The following ALDH1L2 variants were observed in gnomAD, a reference collection of about 807,000 sequenced individuals.
The protein encoded by ALDH1L2 is aldehyde dehydrogenase 1 family member L2.
In ALDH1L2, 91 loss-of-function variants were observed where a neutral mutation model predicts 111.0. That is an observed-to-expected ratio of 0.82 (90% CI 0.69 to 0.98). ALDH1L2 has a LOEUF of 0.98. ALDH1L2 is among the 50% of genes least tolerant of loss of function. The pLI is 0.00. For missense variants in ALDH1L2, 995 were observed against 1,126.8 expected, an observed-to-expected ratio of 0.88 and a Z score of 1.67; for synonymous variants, 374 against 392.6, an observed-to-expected ratio of 0.95 and a Z score of 0.56.
chr12:105,055,010 A>G (rs1876526074), intron 10 of ALDH1L2, among the ~76,000 whole-genome samples: 1 of 152,218 alleles, frequency 6.6e-6, no homozygotes, highest in African/African-American at 2.4e-5. Context: ...ATAACTGGGA[A>G]TGAGATATCC....
At chr12:105,063,244 A>G (rs1049782737) in intron 6 of ALDH1L2, among the ~76,000 whole-genome samples, 1 of 152,230 alleles carries the variant, frequency 6.6e-6, no homozygotes, top group African/African-American at 2.4e-5. Context: ...TGGGAGGCAG[A>G]GGCAGGCAGA....
chr12:105,053,481 G>A (rs1005665266), intron 10 of ALDH1L2, among the ~76,000 whole-genome samples: 1 of 152,194 alleles, frequency 6.6e-6, no homozygotes, highest in Non-Finnish European at 1.5e-5. Context: ...ACAATGCAAT[G>A]GGGATAATGA....
At chr12:105,040,125 CAAA>C (rs11284250) in intron 16 of ALDH1L2, among the ~76,000 whole-genome samples, 2,680 of 59,004 alleles carry the variant, frequency 0.045, 50 homozygotes, top group Non-Finnish European at 0.061. Flanking sequence ...GACTCCGTCT[CAAA>C]AAAAAAAAAA....
rs772748854 is a variant in ALDH1L2, at chr12:105,046,834, G to A, written c.1758-19C>T. ...ACAGACACTGCAGGGGAAGAAATTC[G>A]ACATGCTTAGTTGTTTCAAATAACA... On this transcript the variant is annotated intron_variant, in intron 14 of 22. Coordinates refer to ENST00000258494, the MANE Select transcript of ALDH1L2 (RefSeq NM_001034173.4). The A allele has an allele frequency of 1.6e-5, 26 of 1,613,170 alleles. No homozygotes were observed. Among genetic ancestry groups the A allele is most frequent in the East Asian group, 4.5e-5 (2 of 44,860 alleles).
At chr12:105,070,293 C>T (rs919477368) in intron 3 of ALDH1L2, among the ~76,000 whole-genome samples, 1 of 152,134 alleles carries the variant, frequency 6.6e-6, no homozygotes, top group Non-Finnish European at 1.5e-5. Flanking sequence ...GTTCATGCAA[C>T]AGTAGTAACC....
rs975196194 is a variant in ALDH1L2 at position 105,070,609 on chromosome 12, G to A, written c.389C>T (p.Ser130Phe). 3 of 1,614,066 alleles carry A rather than the reference G, an allele frequency of 1.9e-6. No individual in the cohort carries two copies. The highest frequency in any genetic ancestry group is 8.5e-7 in the Non-Finnish European group (1 of 1,179,966). Residue 130 changes from serine to phenylalanine, a missense_variant, in exon 3 of 23, where the codon TCC (serine) becomes TTC (phenylalanine). Coordinates refer to ENST00000258494, the MANE Select transcript of ALDH1L2 (RefSeq NM_001034173.4). Reference sequence around the variant, plus strand: ...GGCTCCTCTGTGCCTGGGCAGGATGGATGGGTGATAAATGATAGAGCCGTG... The same window carrying A: ...GGCTCCTCTGTGCCTGGGCAGGATGAATGGGTGATAAATGATAGAGCCGTG... Reference protein sequence around the residue: ...PKHGSIIYHPSILPRHRGASA... With the variant: ...PKHGSIIYHPFILPRHRGASA...
chr12:105,032,292 C>G (rs1381785101), intron 19 of ALDH1L2, among the ~76,000 whole-genome samples: 1 of 150,172 alleles, frequency 6.7e-6, no homozygotes, highest in Non-Finnish European at 1.5e-5. Context: ...GTTCTCATGT[C>G]TCAGCCTCCT....
At position 105,022,956 on chromosome 12, in the gene ALDH1L2, C is replaced by G. The variant is rs890054206; in HGVS notation, c.*1468G>C. On this transcript the variant is annotated 3_prime_UTR_variant, in exon 23 of 23. Transcript: ENST00000258494. ...AGGAGGATTAATAGAATTTAACTTT[C>G]TGGCTATCTTTTGGAGACTCATGTG... The G allele has an allele frequency of 6.6e-6, 1 of 152,206 alleles. No individual in the cohort carries two copies. The highest frequency in any genetic ancestry group is 1.9e-4 in the East Asian group (1 of 5,202). 9.4% of individuals were successfully genotyped at this position (152,206 alleles called of 1,614,324 possible). A position where few individuals can be genotyped will look rare whatever the true frequency, so the allele number is the denominator to read the frequency against.
At chr12:105,031,687 G>T in intron 20 of ALDH1L2, 82 bp downstream of exon 20, 1 of 1,525,604 alleles carries the variant, frequency 6.6e-7, no homozygotes, top group Non-Finnish European at 8.8e-7. Flanking sequence ...CACCATGTTG[G>T]CCAGGCTGGT....
At chr12:105,079,784 C>T (rs78575409) in intron 1 of ALDH1L2, among the ~76,000 whole-genome samples, 351 of 152,268 alleles carry the variant, frequency 2.3e-3, no homozygotes, top group African/African-American at 8.1e-3. Context: ...CCATCACTCC[C>T]AATCTGCATC....
At chr12:105,028,985 T>C (rs901150849) in intron 21 of ALDH1L2, among the ~76,000 whole-genome samples, 1 of 152,092 alleles carries the variant, frequency 6.6e-6, no homozygotes. Flanking sequence ...TTTTCCCGTC[T>C]ATGCTAGAAA....
rs1293519371 is a variant in ALDH1L2, at chr12:105,053,884, T to C, written c.1288-953A>G. ...TTATATAATATTATTACCCTATAAA[T>C]TGGGTGATATGAGTCAAGTAACAGA... On this transcript the variant is annotated intron_variant, in intron 10 of 22. Coordinates refer to ENST00000258494, the MANE Select transcript of ALDH1L2 (RefSeq NM_001034173.4). Among the ~76,000 whole-genome samples the C allele has an allele frequency of 2.6e-5, 4 of 151,464 alleles. No individual in the cohort carries two copies. The East Asian group carries it at 7.7e-4, about 29-fold the overall frequency.
At chr12:105,070,842 G>C in intron 2 of ALDH1L2, 38 bp from the exon 3 acceptor site, 2 of 1,537,110 alleles carry the variant, frequency 1.3e-6, no homozygotes, top group Non-Finnish European at 1.8e-6. Flanking sequence ...TTAGAAGTTA[G>C]CCATAATTTT....
chr12:105,060,951 C>T (rs1791165611), intron 9 of ALDH1L2, 30 bp downstream of exon 9: 3 of 1,591,922 alleles, frequency 1.9e-6, no homozygotes, highest in Non-Finnish European at 2.6e-6. Flanking sequence ...TGAGGGAATC[C>T]CTAGTGAGTC....
intron 15 of ALDH1L2, among the ~76,000 whole-genome samples, chr12:105,042,577 C>A (rs542250514): frequency 2.6e-5 from 4 of 152,216 alleles, no homozygotes; most frequent in African/African-American, 7.2e-5. Flanking sequence ...TTGGCCCCAT[C>A]TTTGTTGATT....
chr12:105,084,421 T>G lies in ALDH1L2; in HGVS notation c.16A>C (p.Ser6Arg). 1.3e-6 allele frequency: 2 copies of G among 1,493,328 alleles called. No individual in the cohort carries two copies. The highest frequency in any genetic ancestry group is 1.8e-6 in the Non-Finnish European group (2 of 1,128,334). The allele number at this position is 1,493,328 out of a possible 1,614,324, so 92.5% of individuals were successfully genotyped here. MLRRG[S>R]QALRRFSTGR... is the part of the protein sequence containing the mutation. Reference sequence around the variant, plus strand: ...GTGGAGAAGCGCCGGAGCGCCTGGCTGCCCCGCCGCAGCATGCTGGAGAGG... The same window carrying G: ...GTGGAGAAGCGCCGGAGCGCCTGGCGGCCCCGCCGCAGCATGCTGGAGAGG... The change falls in exon 1 of 23, where the codon AGC becomes CGC. Residue 6 changes from serine (S) to arginine (R), a missense_variant. By Grantham distance (110) the Ser-to-Arg change is moderately radical. Coordinates refer to ENST00000258494, the MANE Select transcript of ALDH1L2 (RefSeq NM_001034173.4).
rs367884225 is a variant in ALDH1L2 at position 105,068,854 on chromosome 12, C to T, written c.459G>A (p.Gly153=). ...CATCATCAGCCCAGAAAACAGAAAACCCAGCTTTCTTATCTCCCATAATTA... is the reference window on the plus strand; with the variant it reads ...CATCATCAGCCCAGAAAACAGAAAATCCAGCTTTCTTATCTCCCATAATTA... ...WTLIMGDKKA[G]FSVFWADDGL... is the part of the protein sequence containing the mutation. The change falls in exon 4 of 23, where the codon GGG becomes GGA. Residue 153 remains glycine, a synonymous_variant. Transcript: ENST00000258494. The T allele has an allele frequency of 5.1e-6, 8 of 1,582,972 alleles. No homozygotes were observed. The African/African-American group carries it at 1.1e-4, about 22-fold the overall frequency.
At chr12:105,033,640 A>G (rs144608930) in intron 19 of ALDH1L2, among the ~76,000 whole-genome samples, 5 of 152,346 alleles carry the variant, frequency 3.3e-5, no homozygotes, top group Admixed American at 2.0e-4. Context: ...AGTATAAGTT[A>G]GAGTTTATTT....
At chr12:105,050,174 T>G in intron 12 of ALDH1L2, 116 bp from the exon 13 acceptor site, 1 of 1,031,772 alleles carries the variant, frequency 9.7e-7, no homozygotes, top group Non-Finnish European at 1.3e-6. Context: ...ATCAGATCTC[T>G]GCCCTTATAG....
Sources: gnomAD v4.1 joint callset for allele counts (sites outside exome capture counted in the v4.1 genomes callset) on GRCh38, gnomAD v4.1.1 for gene constraint, MANE v1.5 for transcripts, NCBI Gene and HGNC (gene_info 2026-07-23, HGNC 2026-07-21) for gene names.